RCOR3: variants seen among roughly 807,000 people sequenced by gnomAD.
RCOR3 encodes the protein REST corepressor 3.
Under a neutral mutation model 64.1 loss-of-function variants are expected in RCOR3, and 13 were observed. The ratio of observed to expected loss-of-function variants is 0.20; its 90% confidence interval spans 0.13 to 0.32. The LOEUF is 0.32. Ranked by LOEUF, RCOR3 falls within the 10% of genes least tolerant of loss-of-function variation. RCOR3 has a pLI of 1.00. For missense variants in RCOR3, 489 were observed against 701.2 expected, an observed-to-expected ratio of 0.70 and a Z score of 3.42; for synonymous variants, 215 against 239.0, an observed-to-expected ratio of 0.90 and a Z score of 0.93.
intron 10 of RCOR3, among the ~76,000 whole-genome samples, chr1:211,311,773 T>C (rs907714566): frequency 1.3e-5 from 2 of 152,162 alleles, no homozygotes; most frequent in Non-Finnish European, 2.9e-5. Context: ...TTGAGCTAAG[T>C]GCATCTCCTT....
intron 1 of RCOR3, 99 bp downstream of exon 1, chr1:211,259,825 T>A: frequency 1.3e-6 from 1 of 772,326 alleles, no homozygotes; most frequent in Non-Finnish European, 1.6e-6. Flanking sequence ...CTCCCTCCCC[T>A]CAGAGCCTGG....
intron 2 of RCOR3, among the ~76,000 whole-genome samples, chr1:211,268,496 C>T (rs1421700280): frequency 6.6e-6 from 1 of 150,744 alleles, no homozygotes; most frequent in Admixed American, 6.6e-5. Context: ...TATCCTGCCT[C>T]AGCCTCTTGA....
chr1:211,303,559 A>G (rs544127753), intron 9 of RCOR3: 2 of 152,734 alleles, frequency 1.3e-5, no homozygotes, highest in African/African-American at 4.8e-5. Flanking sequence ...TTGCTGTTGT[A>G]ATATTACCAT....
At chr1:211,308,106 A>G (rs1701045761) in intron 10 of RCOR3, among the ~76,000 whole-genome samples, 1 of 152,224 alleles carries the variant, frequency 6.6e-6, no homozygotes, top group African/African-American at 2.4e-5. Flanking sequence ...GATCAAAAGG[A>G]AGTGGAACAA....
intron 8 of RCOR3, among the ~76,000 whole-genome samples, chr1:211,294,121 T>G (rs541340182): frequency 1.3e-5 from 2 of 152,226 alleles, no homozygotes; most frequent in East Asian, 3.8e-4. Context: ...TGGAAAAATT[T>G]GAGCATAACA....
intron 10 of RCOR3, among the ~76,000 whole-genome samples, chr1:211,304,403 A>C (rs146800333): frequency 6.6e-6 from 1 of 152,298 alleles, no homozygotes; most frequent in East Asian, 1.9e-4. Flanking sequence ...AAAAAGTCAC[A>C]TGGGCTCTCT....
chr1:211,313,671 C>A lies in RCOR3; in HGVS notation c.1565C>A (p.Pro522His). 2 of 1,614,198 alleles carry A rather than the reference C, an allele frequency of 1.2e-6. No homozygotes were observed. Among genetic ancestry groups the A allele is most frequent in the Non-Finnish European group, 1.7e-6 (2 of 1,180,038 alleles). ...PLIRPANSMP[P>H]RLNPRPVLST... Reference sequence around the variant, plus strand: ...ATTCGCCCTGCTAATTCCATGCCACCCCGTCTAAACCCAAGACCGGTGTTG... The same window carrying A: ...ATTCGCCCTGCTAATTCCATGCCACACCGTCTAAACCCAAGACCGGTGTTG... The change falls in exon 12 of 12, where the codon CCC (proline) becomes CAC (histidine). Residue 522 changes from proline (P) to histidine (H), a missense_variant. Physicochemically the swap from Pro to His is moderately conservative, Grantham distance 77 (BLOSUM62 -2). Transcript: ENST00000419091. This position sits in a 1 kb window ranked among gnomAD's most constrained non-coding sequence, Gnocchi z 4.7.
At chr1:211,261,134 A>G (rs1439979530) in intron 2 of RCOR3, 1 of 152,148 alleles carries the variant, frequency 6.6e-6, no homozygotes, top group East Asian at 1.9e-4. Context: ...ATTTTTGCCC[A>G]GTGCCCATAA....
chr1:211,289,315 G>A lies in RCOR3; in HGVS notation c.858G>A (p.Val286=), dbSNP rs1473212893. Residue 286 remains valine (V), a synonymous_variant, in exon 8 of 12, where the codon GTG becomes GTA. Transcript: ENST00000419091. The part of the protein sequence containing the change: ...PKGMYLTQED[V]VAVSCSPNAA... ...GCATGTATTTAACCCAGGAAGATGT[G>A]GTAGCAGTTTCCTGTAGTCCCAATG... 2 of 1,614,090 alleles carry A rather than the reference G, an allele frequency of 1.2e-6. No individual in the cohort carries two copies. The highest frequency in any genetic ancestry group is 1.7e-6 in the Non-Finnish European group (2 of 1,180,006).
chr1:211,313,739 C>G lies in RCOR3; in HGVS notation c.1633C>G (p.Gln545Glu), dbSNP rs781238671. 6.2e-7 allele frequency: 1 copy of G among 1,614,066 alleles called. No homozygotes were observed. The highest frequency in any genetic ancestry group is 8.5e-7 in the Non-Finnish European group (1 of 1,180,028). Residue 545 changes from glutamine (Q) to glutamate (E), a missense_variant, in exon 12 of 12, where the codon CAG (glutamine) becomes GAG (glutamate). Physicochemically the swap from Gln to Glu is conservative, Grantham distance 29. This residue lies in a region of RCOR3 where 402 missense variants were observed against 617.0 expected (regional missense o/e 0.65). Coordinates refer to ENST00000419091, the MANE Select transcript of RCOR3 (RefSeq NM_001136223.3). The surrounding 1 kb of genome is among the most constrained non-coding windows in gnomAD (Gnocchi z 4.7). ...GQQPPSLIGI[Q>E]TDSQSSLH ...ACAGCCACCATCACTTATTGGAATT[C>G]AGACAGATTCACAGTCCTCACTGCA...
intron 9 of RCOR3, among the ~76,000 whole-genome samples, chr1:211,296,991 GA>G (rs1049255853): frequency 2.6e-5 from 4 of 152,038 alleles, no homozygotes; most frequent in African/African-American, 9.6e-5. Flanking sequence ...TAGTAAGTGT[GA>G]AAAATAAAAC....
At chr1:211,292,513 G>A (rs1217973964) in intron 8 of RCOR3, among the ~76,000 whole-genome samples, 3 of 152,010 alleles carry the variant, frequency 2.0e-5, no homozygotes, top group South Asian at 2.1e-4. Flanking sequence ...TTTTTAGAAG[G>A]CACTTTAAGC....
In RCOR3 at chr1:211,312,525, G is replaced by T. The variant is rs1363349270; in HGVS notation, c.1076-195G>T. On this transcript the variant is annotated intron_variant, in intron 10 of 11. Coordinates refer to ENST00000419091, the MANE Select transcript of RCOR3 (RefSeq NM_001136223.3). This position sits in a 1 kb window ranked among gnomAD's most constrained non-coding sequence, Gnocchi z 5.0. ...TTGTTCAGTTGAAGGCAAGTGGCTG[G>T]CTCGATGAAATGACATAACTGATAG... is the stretch of plus-strand genomic sequence containing the variant. 4 of 641,372 alleles carry T rather than the reference G, an allele frequency of 6.2e-6. No individual in the cohort carries two copies. The highest frequency in any genetic ancestry group is 2.3e-5 in the Admixed American group (1 of 43,844). 39.7% of individuals were successfully genotyped at this position (641,372 alleles called of 1,614,324 possible).
chr1:211,259,763 C>T (rs1351728328), intron 1 of RCOR3, 37 bp downstream of exon 1: 2 of 1,042,868 alleles, frequency 1.9e-6, no homozygotes, highest in South Asian at 3.2e-5. Context: ...AGCCCGCCTG[C>T]CCCCCTCCCT....
chr1:211,270,502 A>G (rs563608056), intron 2 of RCOR3, among the ~76,000 whole-genome samples: 6 of 152,162 alleles, frequency 3.9e-5, no homozygotes, highest in Admixed American at 2.6e-4. Context: ...AAAGCAGACA[A>G]AAGTGTTTAA....
chr1:211,278,007 C>A, intron 5 of RCOR3, 110 bp from the exon 6 acceptor site: 1 of 910,242 alleles, frequency 1.1e-6, no homozygotes, highest in Non-Finnish European at 1.7e-6. Flanking sequence ...CATAAAGGTA[C>A]CCATGAAATA....
intron 8 of RCOR3, among the ~76,000 whole-genome samples, chr1:211,295,084 C>G (rs1042812954): frequency 1.6e-5 from 2 of 121,596 alleles, no homozygotes; most frequent in Non-Finnish European, 3.3e-5. Flanking sequence ...GACAGGTTCT[C>G]ACTATATTAC....
chr1:211,295,118 C>T (rs1699732466), intron 8 of RCOR3, among the ~76,000 whole-genome samples: 1 of 145,462 alleles, frequency 6.9e-6, no homozygotes, highest in Non-Finnish European at 1.5e-5. Flanking sequence ...GACTCCTGGC[C>T]TCCAAAAACA....
intron 2 of RCOR3, among the ~76,000 whole-genome samples, chr1:211,267,403 G>C (rs978151911): frequency 3.9e-5 from 6 of 152,140 alleles, no homozygotes; most frequent in Non-Finnish European, 8.8e-5. Flanking sequence ...GTAGAGTCCA[G>C]TTCAGAGTTA....
Sources: allele counts gnomAD v4.1 joint callset (sites outside exome capture counted in the v4.1 genomes callset), GRCh38; gene constraint gnomAD v4.1.1; regional missense constraint gnomAD v4.1.1; non-coding constraint Gnocchi (gnomAD v3.1); transcripts MANE v1.5; gene names NCBI Gene and HGNC (gene_info 2026-07-23, HGNC 2026-07-21).